The following PAPPA2 variants were observed in gnomAD, a reference collection of about 807,000 sequenced individuals.
PAPPA2 encodes pappalysin 2, also known as pappalysin-2.
In PAPPA2, 86 loss-of-function variants were observed where a neutral mutation model predicts 176.4. The ratio of observed to expected loss-of-function variants is 0.49; its 90% CI spans 0.41 to 0.58. PAPPA2 has a LOEUF of 0.58. PAPPA2 is among the 20% of genes least tolerant of loss of function. The pLI is 0.00. For missense variants in PAPPA2, 2,073 were observed against 2,256.9 expected (o/e 0.92, Z 1.65); for synonymous variants, 809 against 852.2 (o/e 0.95, Z 0.88).
intron 3 of PAPPA2, among the ~76,000 whole-genome samples, chr1:176,665,185 A>G (rs912649374): frequency 6.6e-6 from 1 of 152,186 alleles, no homozygotes; most frequent in Non-Finnish European, 1.5e-5. Flanking sequence ...AGCTCATACT[A>G]CCATTAACAA....
intron 3 of PAPPA2, among the ~76,000 whole-genome samples, chr1:176,669,460 G>T (rs1658859152): frequency 6.6e-6 from 1 of 152,048 alleles, no homozygotes. Context: ...GAGAAAATAA[G>T]GAGAATGTGA....
chr1:176,521,506 C>A (rs1173075168), intron 1 of PAPPA2, among the ~76,000 whole-genome samples: 2 of 152,146 alleles, frequency 1.3e-5, no homozygotes, highest in Non-Finnish European at 2.9e-5. Context: ...CCACATGAAG[C>A]AGAAGAAATG....
chr1:176,597,657 C>T lies in PAPPA2; in HGVS notation c.1991+2062C>T, dbSNP rs34350887. Among the ~76,000 whole-genome samples, 684 of 151,942 alleles carry T rather than the reference C, an allele frequency of 4.5e-3. 4 individuals are homozygous for T. Among genetic ancestry groups the T allele is most frequent in the Middle Eastern group, 0.014 (4 of 292 alleles). On this transcript the variant is annotated intron_variant, in intron 3 of 22. Coordinates refer to ENST00000367662, the MANE Select transcript of PAPPA2 (RefSeq NM_020318.3). Reference sequence around the variant, plus strand: ...ATGTAACAAACCTGCACGTTCTGCACATGTATCCCAGAACTTAAAGTATAA... The same window carrying T: ...ATGTAACAAACCTGCACGTTCTGCATATGTATCCCAGAACTTAAAGTATAA...
At chr1:176,623,808 TTCTTTCTTTCTTC>T (rs1288410738) in intron 3 of PAPPA2, among the ~76,000 whole-genome samples, 66 of 32,454 alleles carry the variant, frequency 2.0e-3, no homozygotes, top group African/African-American at 5.1e-3. Flanking sequence ...TCTTTCTTTC[TTCTTTCTTTCTTC>T]TCTCTCTCTC....
Position 176,842,415 on chromosome 1 carries a change from G to C in PAPPA2, c.5337G>C (p.Glu1779Asp), listed in dbSNP as rs539487834. The part of the protein sequence containing the change: ...IPFAADCDLD[E>D]CTCRDPKAEE... ...TTGCTGCTGACTGTGACCTGGATGA[G>C]TGCACCTGCCGGGACCCCAAGGCAG... is the stretch of plus-strand genomic sequence containing the variant. The change falls in exon 23 of 23, where the codon GAG becomes GAC. Residue 1779 changes from glutamate to aspartate, a missense_variant. Glu to Asp is a conservative substitution (Grantham distance 45). Coordinates refer to ENST00000367662, the MANE Select transcript of PAPPA2 (RefSeq NM_020318.3). The C allele has an allele frequency of 6.2e-6, 10 of 1,613,386 alleles. No individual in the cohort carries two copies. Among genetic ancestry groups the C allele is most frequent in the South Asian group, 5.5e-5 (5 of 91,066 alleles).
At chr1:176,623,970 A>G (rs558019771) in intron 3 of PAPPA2, among the ~76,000 whole-genome samples, 1 of 151,864 alleles carries the variant, frequency 6.6e-6, no homozygotes, top group Non-Finnish European at 1.5e-5. Context: ...CCCCCCAAGT[A>G]GCTGGGGCTA....
chr1:176,496,487 G>T (rs2102501096), intron 1 of PAPPA2, among the ~76,000 whole-genome samples: 1 of 152,214 alleles, frequency 6.6e-6, no homozygotes, highest in Non-Finnish European at 1.5e-5. Flanking sequence ...GCTTTGGTTT[G>T]GTTTTTGTAT....
intron 22 of PAPPA2, among the ~76,000 whole-genome samples, chr1:176,840,925 A>G (rs1667465675): frequency 6.6e-6 from 1 of 152,220 alleles, no homozygotes; most frequent in African/African-American, 2.4e-5. Context: ...AATAAGCAAG[A>G]GATGTTATTT....
chr1:176,819,314 TTTGTTGTTG>T (rs528222425), intron 21 of PAPPA2, among the ~76,000 whole-genome samples: 1 of 152,008 alleles, frequency 6.6e-6, no homozygotes, highest in Non-Finnish European at 1.5e-5. Context: ...TATTGACAGT[TTTGTTGTTG>T]TTGTTGTTGT....
At chr1:176,738,640 A>G (rs1357163191) in intron 12 of PAPPA2, among the ~76,000 whole-genome samples, 2 of 152,266 alleles carry the variant, frequency 1.3e-5, no homozygotes, top group East Asian at 3.9e-4. Flanking sequence ...CCAGATTCTG[A>G]TCATACAACA....
chr1:176,630,205 G>C (rs927132438), intron 3 of PAPPA2, among the ~76,000 whole-genome samples: 3 of 152,190 alleles, frequency 2.0e-5, no homozygotes, highest in African/African-American at 7.2e-5. Context: ...ACTAATGAGA[G>C]TTGGCTACAT....
intron 3 of PAPPA2, among the ~76,000 whole-genome samples, chr1:176,599,187 G>A (rs1389787813): frequency 6.8e-6 from 1 of 147,508 alleles, no homozygotes; most frequent in Non-Finnish European, 1.5e-5. Flanking sequence ...ATGTATGTAT[G>A]TACATATATA....
chr1:176,581,922 C>CTT (rs538920194), intron 2 of PAPPA2, among the ~76,000 whole-genome samples: 20 of 80,986 alleles, frequency 2.5e-4, no homozygotes, highest in East Asian at 5.4e-4. Context: ...TTCTTTCTTT[C>CTT]TTTTTTTTTT....
intron 3 of PAPPA2, among the ~76,000 whole-genome samples, chr1:176,642,232 T>C (rs1184327112): frequency 6.6e-6 from 1 of 151,880 alleles, no homozygotes; most frequent in Non-Finnish European, 1.5e-5. Context: ...TTAATTTAAA[T>C]AACAATAATT....
At chr1:176,493,952 T>C (rs75060067) in intron 1 of PAPPA2, among the ~76,000 whole-genome samples, 12,281 of 152,298 alleles carry the variant, frequency 0.081, 616 homozygotes, top group South Asian at 0.16. Context: ...TATTGCTGTT[T>C]AATTGTGTTT....
intron 3 of PAPPA2, among the ~76,000 whole-genome samples, chr1:176,609,489 C>T (rs937895617): frequency 1.3e-5 from 2 of 151,982 alleles, no homozygotes; most frequent in African/African-American, 4.8e-5. Flanking sequence ...GCCATGGAAG[C>T]GAAGTGTATC....
chr1:176,672,579 A>T (rs897803504), intron 4 of PAPPA2, among the ~76,000 whole-genome samples: 1 of 152,122 alleles, frequency 6.6e-6, no homozygotes, highest in Non-Finnish European at 1.5e-5. Flanking sequence ...ATAGACCAAA[A>T]AAAAAAAGAA....
chr1:176,679,475 C>T (rs1359336082), intron 4 of PAPPA2, among the ~76,000 whole-genome samples: 1 of 152,072 alleles, frequency 6.6e-6, no homozygotes, highest in Non-Finnish European at 1.5e-5. Context: ...AAGTGGGTAC[C>T]TTATTAAACA....
At chr1:176,729,745 A>G (rs1662044815) in intron 12 of PAPPA2, among the ~76,000 whole-genome samples, 1 of 152,142 alleles carries the variant, frequency 6.6e-6, no homozygotes, top group Non-Finnish European at 1.5e-5. Flanking sequence ...ACAAAATTCA[A>G]GAACTTGCTA....
Sources: allele counts gnomAD v4.1 joint callset (sites outside exome capture counted in the v4.1 genomes callset), GRCh38; gene constraint gnomAD v4.1.1; transcripts MANE v1.5; gene names NCBI Gene and HGNC (gene_info 2026-07-23, HGNC 2026-07-21).